Variants in RALGDS observed in about 807,000 individuals in gnomAD.
RALGDS encodes the protein ral guanine nucleotide dissociation stimulator.
A neutral mutation model predicts 99.8 loss-of-function variants in RALGDS; 44 were observed. The ratio of observed to expected loss-of-function variants is 0.44; its 90% CI spans 0.35 to 0.57. RALGDS has a LOEUF of 0.57. Among genes scored for constraint, RALGDS ranks in the 20% least tolerant of loss-of-function variants. The probability of loss-of-function intolerance (pLI) is 0.01; values close to 1 mark genes in which losing one functional copy is unlikely to be tolerated. For missense variants in RALGDS, 1,022 were observed against 1,203.1 expected (o/e 0.85, Z 2.23); for synonymous variants, 529 against 505.0 (o/e 1.05, Z -0.64).
rs773453414 is a variant in RALGDS at position 133,108,869 on chromosome 9, G to A, written c.585-3C>T. On this transcript the variant is annotated splice_region_variant and splice_polypyrimidine_tract_variant and intron_variant, in intron 4 of 17. Coordinates refer to ENST00000372050, the MANE Select transcript of RALGDS (RefSeq NM_006266.4). ...TGCCCAGGATGGAGGAGATGGCACT[G>A]GGGACAGGTGGGTGGCAGCAGAGTC... is the stretch of plus-strand genomic sequence containing the variant. The A allele has an allele frequency of 6.2e-7, 1 of 1,609,822 alleles. No individual in the cohort carries two copies. Among genetic ancestry groups the A allele is most frequent in the Non-Finnish European group, 8.5e-7 (1 of 1,177,848 alleles).
intron 1 of RALGDS, among the ~76,000 whole-genome samples, chr9:133,116,402 C>A (rs1831611429): frequency 6.6e-6 from 1 of 152,248 alleles, no homozygotes. Context: ...CCGCAAAGGC[C>A]GGCCCATCTC....
rs1350355854 is a variant in RALGDS, at chr9:133,105,890, AGCCCCC to A, written c.1602+36_1602+41del. The stretch of plus-strand genomic sequence containing the variant: ...CAGCCCCCGCCCCAGCCCCCGCCCC[AGCCCCC>A]GCCCCAGCCCCCGCCCCAGCCTGCC... On this transcript the variant is annotated intron_variant, in intron 9 of 17. Coordinates refer to ENST00000372050, the MANE Select transcript of RALGDS (RefSeq NM_006266.4). 5.9e-3 allele frequency: 117 copies of A among 19,894 alleles called. 2 individuals are homozygous for A. Among genetic ancestry groups the A allele is most frequent in the African/African-American group, 0.016 (103 of 6,386 alleles). 1.2% of individuals were successfully genotyped at this position (19,894 alleles called of 1,614,324 possible).
At chr9:133,121,979 C>A (rs1176778390), upstream of RALGDS, among the ~76,000 whole-genome samples, 2 of 152,212 alleles carry the variant, frequency 1.3e-5, no homozygotes, top group East Asian at 1.9e-4. Flanking sequence ...CAGACACCCT[C>A]AGAGGAGGGG....
exon 1 of RALGDS, chr9:133,149,162 C>G (rs1832673791): frequency 6.0e-6 from 1 of 166,816 alleles, no homozygotes; most frequent in African/African-American, 2.4e-5. Context: ...CCGCCAGCGC[C>G]GCTCCCATTG....
At position 133,144,387 on chromosome 9, in the gene RALGDS, G is replaced by A. The variant is rs1040130618; in HGVS notation, c.18+4576C>T. Among the ~76,000 whole-genome samples the A allele has an allele frequency of 1.3e-5, 2 of 151,696 alleles. No homozygotes were observed. Among genetic ancestry groups the A allele is most frequent in the Non-Finnish European group, 2.9e-5 (2 of 67,884 alleles). On this transcript the variant is annotated intron_variant, in intron 1 of 17. Coordinates refer to the RALGDS transcript ENST00000393160. This position sits in a 1 kb window ranked among gnomAD's most constrained non-coding sequence, Gnocchi z 4.5. Reference sequence around the variant, plus strand: ...CGCCACCCCTGTCACCTCCTCCTCCGCCCCCCGCCGGCCTCCGACGCAAAG... The same window carrying A: ...CGCCACCCCTGTCACCTCCTCCTCCACCCCCCGCCGGCCTCCGACGCAAAG...
chr9:133,133,539 A>G (rs1184332918), upstream of RALGDS, among the ~76,000 whole-genome samples: 1 of 152,232 alleles, frequency 6.6e-6, no homozygotes, highest in Non-Finnish European at 1.5e-5. Flanking sequence ...TGCCATGGAC[A>G]GCCGAGGCGC....
chr9:133,102,912 G>A lies in RALGDS; in HGVS notation c.1792-12C>T. On this transcript the variant is annotated splice_polypyrimidine_tract_variant and intron_variant, in intron 12 of 17. Transcript: ENST00000372050. ...ATCACCTCGAACTCCTGGGGCCAGA[G>A]GGAAGCACAGGGCGGTGACAAGGCC... 1 of 1,612,648 alleles carries A rather than the reference G, an allele frequency of 6.2e-7. No individual in the cohort carries two copies. The highest frequency in any genetic ancestry group is 1.1e-5 in the South Asian group (1 of 90,834).
chr9:133,147,700 C>G (rs1005247478), intron 1 of RALGDS, among the ~76,000 whole-genome samples: 1 of 152,232 alleles, frequency 6.6e-6, no homozygotes, highest in Non-Finnish European at 1.5e-5. Context: ...GTGGCCGGCA[C>G]TAGCACAGCA....
At chr9:133,121,915 G>A (rs1831963689), upstream of RALGDS, among the ~76,000 whole-genome samples, 2 of 145,050 alleles carry the variant, frequency 1.4e-5, no homozygotes, top group African/African-American at 5.1e-5. Flanking sequence ...TGGGGGAAAG[G>A]GTCAGAGAGT....
At chr9:133,100,802 C>T in intron 16 of RALGDS, 4 of 1,097,996 alleles carry the variant, frequency 3.6e-6, no homozygotes, top group South Asian at 5.1e-5. Flanking sequence ...ATAGGCCAGG[C>T]CCCTGCTACC....
rs1450084533 is a variant in RALGDS at position 133,144,257 on chromosome 9, G to A, written c.18+4706C>T. On this transcript the variant is annotated intron_variant, in intron 1 of 17. Transcript: ENST00000393160. The surrounding 1 kb of genome is among the most constrained non-coding windows in gnomAD (Gnocchi z 4.5). ...TCAGCTTGCAGGCGAGGAACCAAAC[G>A]AAAGGCAAACTCCTGGCCCCTGCAG... is the stretch of plus-strand genomic sequence containing the variant. 6.6e-6 allele frequency among the ~76,000 whole-genome samples: 1 copy of A among 152,118 alleles called. No individual in the cohort carries two copies. Among genetic ancestry groups the A allele is most frequent in the East Asian group, 1.9e-4 (1 of 5,166 alleles).
intron 2 of RALGDS, 44 bp downstream of exon 2, chr9:133,111,998 G>T: frequency 7.0e-7 from 1 of 1,435,234 alleles, no homozygotes; most frequent in Non-Finnish European, 9.6e-7. Flanking sequence ...TCCTGGGAGG[G>T]ATCCCCAGCT....
At chr9:133,103,905 G>A (rs1468517560) in intron 10 of RALGDS, 72 bp from the exon 11 acceptor site, 5 of 1,454,218 alleles carry the variant, frequency 3.4e-6, no homozygotes, top group Non-Finnish European at 3.9e-6. Context: ...GCCCCAACTG[G>A]TCTCACTTGG....
chr9:133,126,512 C>T (rs571269448), intron 1 of RALGDS, among the ~76,000 whole-genome samples: 1 of 152,358 alleles, frequency 6.6e-6, no homozygotes, highest in East Asian at 1.9e-4. Context: ...CACACCGGGT[C>T]TGTGTTCCCA....
exon 1 of RALGDS, chr9:133,149,011 A>C: frequency 6.4e-7 from 1 of 1,551,222 alleles, no homozygotes; most frequent in Non-Finnish European, 8.7e-7. Context: ...CGCCGGCCCC[A>C]GGGCGGGACC....
At chr9:133,125,963 C>T (rs182478576), upstream of RALGDS, among the ~76,000 whole-genome samples, 1 of 152,292 alleles carries the variant, frequency 6.6e-6, no homozygotes, top group African/African-American at 2.4e-5. Flanking sequence ...GCAGCTAGAA[C>T]CCGAGTCCGG....
intron 2 of RALGDS, among the ~76,000 whole-genome samples, chr9:133,110,807 C>A (rs543038971): frequency 1.3e-5 from 2 of 152,172 alleles, no homozygotes; most frequent in Non-Finnish European, 2.9e-5. Context: ...CAGGGCCAGG[C>A]ATAGTAGCTT....
chr9:133,102,932 A>G (rs760094488), intron 12 of RALGDS, 32 bp from the exon 13 acceptor site: 2 of 1,611,206 alleles, frequency 1.2e-6, no homozygotes, highest in African/African-American at 2.7e-5. Flanking sequence ...GGGCGGTGAC[A>G]AGGCCCCCCG....
intron 6 of RALGDS, among the ~76,000 whole-genome samples, chr9:133,107,642 T>C (rs1359113532): frequency 6.6e-6 from 1 of 152,130 alleles, no homozygotes; most frequent in African/African-American, 2.4e-5. Context: ...ACACACCAAG[T>C]GCCTAATGAG....
Sources: gnomAD v4.1 joint callset for allele counts (sites outside exome capture counted in the v4.1 genomes callset) on GRCh38, gnomAD v4.1.1 for gene constraint, Gnocchi (gnomAD v3.1) non-coding constraint, MANE v1.5 for transcripts, NCBI Gene and HGNC (gene_info 2026-07-23, HGNC 2026-07-21) for gene names.